Variants in FHIT observed in about 807,000 individuals in gnomAD.
FHIT encodes the protein bis(5'-adenosyl)-triphosphatase.
A neutral mutation model predicts 17.9 loss-of-function variants in FHIT; 19 were observed. The observed-to-expected ratio is 1.06, with a 90% CI of 0.74 to 1.56. FHIT has a LOEUF of 1.56. Ranked by LOEUF, FHIT falls within the 40% of genes most tolerant of loss-of-function variation. The pLI is 0.00. For missense variants in FHIT, 248 were observed against 189.2 expected, an observed-to-expected ratio of 1.31 and a Z score of -1.82; for synonymous variants, 81 against 69.7, an observed-to-expected ratio of 1.16 and a Z score of -0.81.
intron 2 of FHIT, among the ~76,000 whole-genome samples, chr3:61,100,297 G>A (rs1264614671): frequency 4.6e-5 from 7 of 152,164 alleles, no homozygotes; most frequent in Non-Finnish European, 7.3e-5. Context: ...ACCTATGAGT[G>A]AGAACATGCG....
intron 4 of FHIT, among the ~76,000 whole-genome samples, chr3:60,648,532 C>G (rs1386169329): frequency 5.9e-5 from 9 of 152,010 alleles, no homozygotes; most frequent in Admixed American, 4.6e-4. Flanking sequence ...GCAAAGGAAA[C>G]AAACAGAAAA....
intron 3 of FHIT, among the ~76,000 whole-genome samples, chr3:60,965,960 C>T (rs1228385878): frequency 6.6e-6 from 1 of 152,214 alleles, no homozygotes; most frequent in South Asian, 2.1e-4. Flanking sequence ...CTACTCTCTT[C>T]AAAGCTGTCA....
intron 3 of FHIT, among the ~76,000 whole-genome samples, chr3:61,039,050 T>A (rs2033383308): frequency 6.6e-6 from 1 of 152,136 alleles, no homozygotes; most frequent in Non-Finnish European, 1.5e-5. Context: ...ACTTCCATAA[T>A]AATTTAAAGG....
At chr3:60,559,574 G>A (rs2036859002) in intron 4 of FHIT, among the ~76,000 whole-genome samples, 1 of 152,172 alleles carries the variant, frequency 6.6e-6, no homozygotes, top group Admixed American at 6.5e-5. Context: ...TCACTTTAGA[G>A]GACAATGCAC....
intron 4 of FHIT, among the ~76,000 whole-genome samples, chr3:60,569,810 G>A (rs771973394): frequency 7.3e-6 from 1 of 137,768 alleles, no homozygotes; most frequent in African/African-American, 2.8e-5. Context: ...GGAGTGCAAC[G>A]GCACAATCTC....
At chr3:60,649,152 C>T (rs2039933186) in intron 4 of FHIT, among the ~76,000 whole-genome samples, 1 of 152,076 alleles carries the variant, frequency 6.6e-6, no homozygotes, top group Non-Finnish European at 1.5e-5. Flanking sequence ...AATCCCAGCA[C>T]TTTGGGAGGC....
Position 60,014,292 on chromosome 3 carries a change from C to G in FHIT, c.104-140G>C, listed in dbSNP as rs1575887535. ...AAGGAATGAAGAAACAGATATTTAC[C>G]ATCCACTGAACTCCAGAGAGTTGAA... On this transcript the variant is annotated intron_variant, in intron 5 of 9. Coordinates refer to ENST00000492590, the MANE Select transcript of FHIT (RefSeq NM_002012.4). 1.2e-5 allele frequency: 9 copies of G among 747,856 alleles called. No homozygotes were observed. The East Asian group carries it at 2.2e-4, about 18-fold the overall frequency. 46.3% of individuals were successfully genotyped at this position (747,856 alleles called of 1,614,324 possible).
At chr3:60,309,510 C>G (rs1193336704) in intron 5 of FHIT, among the ~76,000 whole-genome samples, 1 of 152,150 alleles carries the variant, frequency 6.6e-6, no homozygotes, top group African/African-American at 2.4e-5. Flanking sequence ...AAAAGCATAG[C>G]AAGGAAATAC....
intron 1 of FHIT, among the ~76,000 whole-genome samples, chr3:61,226,021 G>T (rs964622112): frequency 6.6e-6 from 1 of 152,140 alleles, no homozygotes; most frequent in Non-Finnish European, 1.5e-5. Context: ...AGGAACAGTA[G>T]AATTTCTCTG....
At chr3:60,873,009 C>A (rs1264052570) in intron 3 of FHIT, among the ~76,000 whole-genome samples, 2 of 152,086 alleles carry the variant, frequency 1.3e-5, no homozygotes, top group Admixed American at 1.3e-4. Flanking sequence ...ATAACTCTTG[C>A]GTTCTTAGAT....
At chr3:61,211,066 G>T (rs1270759857) in intron 1 of FHIT, among the ~76,000 whole-genome samples, 3 of 151,982 alleles carry the variant, frequency 2.0e-5, no homozygotes, top group Non-Finnish European at 4.4e-5. Context: ...ACAGCTCCCA[G>T]CATGAGCAAT....
At chr3:59,863,892 G>C (rs1702516580) in intron 8 of FHIT, among the ~76,000 whole-genome samples, 1 of 152,156 alleles carries the variant, frequency 6.6e-6, no homozygotes, top group South Asian at 2.1e-4. Context: ...AATATTTCTA[G>C]CTTGTCTTCT....
intron 4 of FHIT, among the ~76,000 whole-genome samples, chr3:60,606,581 A>T (rs929573112): frequency 3.9e-5 from 6 of 152,074 alleles, no homozygotes; most frequent in Non-Finnish European, 7.4e-5. Context: ...CTTTTCTCCT[A>T]TTATAAGCCA....
chr3:60,819,026 CTTTTTTCTTTTCTTTTTTT>C (rs1701834005), intron 4 of FHIT, among the ~76,000 whole-genome samples: 1 of 143,890 alleles, frequency 6.9e-6, no homozygotes, highest in African/African-American at 2.5e-5. Flanking sequence ...TTTTTCTTTT[CTTTTTTCTTTTCTTTTTTT>C]TTTTTTTGTT....
chr3:60,919,947 T>C (rs570750560), intron 3 of FHIT, among the ~76,000 whole-genome samples: 1 of 148,348 alleles, frequency 6.7e-6, no homozygotes, highest in Non-Finnish European at 1.5e-5. Context: ...GGGAGGAGAG[T>C]CGCTTGAACC....
Position 60,297,872 on chromosome 3 carries a change from C to A in FHIT, c.103+238988G>T, listed in dbSNP as rs1576439583. ...AGGGGTTCAGTCCCACAAGACAGCTCCCACTTTGGATGTCAGTTGTGTACC... is the reference window on the plus strand; with the variant it reads ...AGGGGTTCAGTCCCACAAGACAGCTACCACTTTGGATGTCAGTTGTGTACC... On this transcript the variant is annotated intron_variant, in intron 5 of 9. Coordinates refer to ENST00000492590, the MANE Select transcript of FHIT (RefSeq NM_002012.4). Among the ~76,000 whole-genome samples, 5 of 152,176 alleles carry A rather than the reference C, an allele frequency of 3.3e-5. 2 individuals carry two copies. The South Asian group carries it at 1.0e-3, about 32-fold the overall frequency.
chr3:60,679,114 A>T (rs965239007), intron 4 of FHIT, among the ~76,000 whole-genome samples: 1 of 152,132 alleles, frequency 6.6e-6, no homozygotes, highest in East Asian at 1.9e-4. Flanking sequence ...TATCTCATTT[A>T]ATATTCACAG....
chr3:59,801,510 C>A (rs1421754733), intron 8 of FHIT, among the ~76,000 whole-genome samples: 140 of 152,044 alleles, frequency 9.2e-4, no homozygotes, highest in Non-Finnish European at 1.7e-3. Flanking sequence ...GTTTAGTTTC[C>A]CTATATAAGT....
At chr3:60,332,984 A>G (rs746927902) in intron 5 of FHIT, among the ~76,000 whole-genome samples, 1 of 152,254 alleles carries the variant, frequency 6.6e-6, no homozygotes, top group Non-Finnish European at 1.5e-5. Context: ...CTCCATTTCC[A>G]GTATACTATG....
Sources: gnomAD v4.1 joint callset for allele counts (sites outside exome capture counted in the v4.1 genomes callset) on GRCh38, gnomAD v4.1.1 for gene constraint, MANE v1.5 for transcripts, NCBI Gene and HGNC (gene_info 2026-07-23, HGNC 2026-07-21) for gene names.